Variants in TENM4 observed in about 807,000 individuals in gnomAD.
The protein encoded by TENM4 is teneurin transmembrane protein 4.
A neutral mutation model predicts 243.3 loss-of-function variants in TENM4; 82 were observed. That is an observed-to-expected ratio of 0.34 (90% confidence interval 0.28 to 0.40). TENM4 has a LOEUF of 0.40. TENM4 is among the 10% of genes least tolerant of loss of function. TENM4 has a pLI of 1.00. For missense variants in TENM4, 3,138 were observed against 3,673.3 expected (o/e 0.85, Z 3.77); for synonymous variants, 1,412 against 1,456.3 (o/e 0.97, Z 0.69).
chr11:79,073,078 G>A (rs1860458513), intron 4 of TENM4, among the ~76,000 whole-genome samples: 1 of 152,202 alleles, frequency 6.6e-6, no homozygotes, highest in Non-Finnish European at 1.5e-5. Context: ...ACATGGCCCT[G>A]GCATGGTGGA....
intron 3 of TENM4, among the ~76,000 whole-genome samples, chr11:79,206,382 G>A (rs1863850521): frequency 6.6e-6 from 1 of 152,200 alleles, no homozygotes; most frequent in Admixed American, 6.5e-5. Flanking sequence ...TCTAATTTGA[G>A]GTCAAAGCTA....
chr11:78,689,815 C>A (rs1374714941), intron 28 of TENM4, among the ~76,000 whole-genome samples: 2 of 152,226 alleles, frequency 1.3e-5, no homozygotes, highest in African/African-American at 4.8e-5. Context: ...CAGTCCCTGG[C>A]ACACTCTGCC....
chr11:79,412,803 T>G (rs1858730191), intron 1 of TENM4, among the ~76,000 whole-genome samples: 1 of 152,226 alleles, frequency 6.6e-6, no homozygotes, highest in Non-Finnish European at 1.5e-5. Context: ...TCTTCTCCTA[T>G]CTGCTCCCAT....
intron 9 of TENM4, among the ~76,000 whole-genome samples, chr11:78,885,354 C>T (rs1855527432): frequency 2.6e-5 from 4 of 152,196 alleles, no homozygotes; most frequent in African/African-American, 7.2e-5. Flanking sequence ...TGAATTGGTG[C>T]CTTTGGAGAC....
chr11:78,812,239 C>G lies in TENM4; in HGVS notation c.1861G>C (p.Ala621Pro). ...RCLCHSGWKG[A>P]ECDVPTNQCI... ...TGGTTGGTGGGCACATCGCACTCAG[C>G]GCCTTTCCAGCCACTGTGGCACAAG... Residue 621 changes from alanine (A) to proline (P), a missense_variant, in exon 14 of 34, where the codon GCT becomes CCT. Around this residue, in one of 2 missense-constraint regions of TENM4, gnomAD observed 2,467 missense variants for 3,059.1 expected, o/e 0.81. Transcript: ENST00000278550. The G allele has an allele frequency of 6.4e-7, 1 of 1,551,976 alleles. No individual in the cohort carries two copies. Among genetic ancestry groups the G allele is most frequent in the Non-Finnish European group, 8.7e-7 (1 of 1,147,176 alleles).
intron 14 of TENM4, among the ~76,000 whole-genome samples, chr11:78,809,770 G>A (rs1857459001): frequency 6.6e-6 from 1 of 152,162 alleles, no homozygotes; most frequent in South Asian, 2.1e-4. Flanking sequence ...TCCCCTTGCA[G>A]AGCTTGCCAT....
At chr11:79,336,270 C>T (rs983865264) in intron 1 of TENM4, among the ~76,000 whole-genome samples, 8 of 152,232 alleles carry the variant, frequency 5.3e-5, no homozygotes, top group African/African-American at 1.7e-4. Flanking sequence ...ATTTGCTCCA[C>T]CACTAACTAG....
chr11:78,869,798 A>G (rs1859077886), intron 9 of TENM4, among the ~76,000 whole-genome samples: 1 of 152,200 alleles, frequency 6.6e-6, no homozygotes. Flanking sequence ...ACAATGCCTG[A>G]AAACTACATT....
intron 6 of TENM4, among the ~76,000 whole-genome samples, chr11:78,919,651 G>A (rs982871924): frequency 6.6e-6 from 1 of 152,166 alleles, no homozygotes; most frequent in Non-Finnish European, 1.5e-5. Context: ...AAGGGAAACA[G>A]GGTCAGGAGG....
At chr11:79,186,214 A>G (rs1313023582) in intron 3 of TENM4, among the ~76,000 whole-genome samples, 1 of 152,124 alleles carries the variant, frequency 6.6e-6, no homozygotes, top group African/African-American at 2.4e-5. Flanking sequence ...TATGCTTGTC[A>G]TTGGCTAAGC....
At chr11:79,097,672 G>C (rs1047645195) in intron 4 of TENM4, 1 of 152,130 alleles carries the variant, frequency 6.6e-6, no homozygotes. Context: ...TGTAAGCTGA[G>C]AATAGAAAAA....
chr11:79,306,186 T>C (rs1856623180), intron 1 of TENM4, among the ~76,000 whole-genome samples: 1 of 152,088 alleles, frequency 6.6e-6, no homozygotes, highest in Non-Finnish European at 1.5e-5. Context: ...GAGGGTTGTA[T>C]GACACTGTAA....
At chr11:79,129,596 G>A (rs999154570) in intron 4 of TENM4, among the ~76,000 whole-genome samples, 1 of 152,092 alleles carries the variant, frequency 6.6e-6, no homozygotes, top group Non-Finnish European at 1.5e-5. Flanking sequence ...GCTGGGTGAG[G>A]CCTGTGATTG....
chr11:78,938,225 T>A (rs1354725970), intron 6 of TENM4, among the ~76,000 whole-genome samples: 2 of 152,228 alleles, frequency 1.3e-5, no homozygotes, highest in African/African-American at 2.4e-5. Context: ...CTTTCTATAT[T>A]CTGCCTGCTG....
intron 12 of TENM4, 21 bp downstream of exon 12, chr11:78,854,083 C>A (rs1402803380): frequency 1.3e-6 from 2 of 1,547,390 alleles, no homozygotes; most frequent in Non-Finnish European, 1.7e-6. Context: ...CCACAGCCCC[C>A]AGAGGGTGTG....
intron 1 of TENM4, among the ~76,000 whole-genome samples, chr11:79,356,244 G>A (rs1857494900): frequency 6.6e-6 from 1 of 152,214 alleles, no homozygotes; most frequent in African/African-American, 2.4e-5. Flanking sequence ...GTGGTCAAGA[G>A]GGGAGCCCTG....
chr11:79,259,864 A>T (rs765713216), intron 2 of TENM4, among the ~76,000 whole-genome samples: 2 of 152,228 alleles, frequency 1.3e-5, no homozygotes, highest in African/African-American at 2.4e-5. Context: ...GTCACGCAAG[A>T]TGGGTTAATA....
chr11:79,214,469 A>G (rs1405700856), intron 3 of TENM4, among the ~76,000 whole-genome samples: 2 of 152,212 alleles, frequency 1.3e-5, no homozygotes. Context: ...TAAATCTTCC[A>G]TATGTCTTTG....
chr11:79,194,739 G>A (rs1590785042), intron 3 of TENM4, among the ~76,000 whole-genome samples: 2 of 152,204 alleles, frequency 1.3e-5, no homozygotes, highest in South Asian at 2.1e-4. Flanking sequence ...GAGCATAAAA[G>A]TTTGGGAAAT....
Sources: allele counts gnomAD v4.1 joint callset (sites outside exome capture counted in the v4.1 genomes callset), GRCh38; gene constraint gnomAD v4.1.1; regional missense constraint gnomAD v4.1.1; transcripts MANE v1.5; gene names NCBI Gene and HGNC (gene_info 2026-07-23, HGNC 2026-07-21).